The following LRRC37A variants were observed in gnomAD, a reference collection of about 807,000 sequenced individuals.
LRRC37A encodes the protein leucine-rich repeat-containing protein 37A.
Under a neutral mutation model 35.4 loss-of-function variants are expected in LRRC37A, and 3 were observed. That is an observed-to-expected ratio of 0.08 (90% CI 0.04 to 0.22). The LOEUF is 0.22. LRRC37A is among the 10% of genes least tolerant of loss of function. The probability of loss-of-function intolerance (pLI) is 1.00; values close to 1 mark genes in which losing one functional copy is unlikely to be tolerated. For synonymous variants in LRRC37A, 23 were observed against 215.0 expected, an observed-to-expected ratio of 0.11 and a Z score of 7.81; for missense variants, 67 against 565.3, an observed-to-expected ratio of 0.12 and a Z score of 8.94.
the LRRC37A span, chr17:46,259,518 A>C: frequency 6.2e-7 from 1 of 1,605,648 alleles, no homozygotes; most frequent in East Asian, 2.2e-5. Context: ...CTGCATGCCC[A>C]TTCGGGCTGC....
the LRRC37A span, among the ~76,000 whole-genome samples, chr17:46,253,207 C>A: frequency 6.9e-6 from 1 of 144,316 alleles, no homozygotes. Flanking sequence ...GGGGCAGAGG[C>A]GCTCCCCACA....
chr17:46,248,798 G>A, the LRRC37A span, among the ~76,000 whole-genome samples: 12 of 152,000 alleles, frequency 7.9e-5, no homozygotes, highest in African/African-American at 2.9e-4. Flanking sequence ...AGGATTACAC[G>A]TGTGAGCCAC....
chr17:46,290,477 G>A (rs1042241629), upstream of LRRC37A, among the ~76,000 whole-genome samples: 11 of 152,190 alleles, frequency 7.2e-5, no homozygotes, highest in Middle Eastern at 3.4e-3. Flanking sequence ...TTTTTGTTTC[G>A]AGATGGAGTC....
At chr17:46,290,023 G>A (rs1409369048), upstream of LRRC37A, among the ~76,000 whole-genome samples, 1 of 152,270 alleles carries the variant, frequency 6.6e-6, no homozygotes, top group Non-Finnish European at 1.5e-5. Context: ...GAAGGCTGAG[G>A]TTGGAGGCTC....
chr17:46,278,897 A>C, the LRRC37A span, among the ~76,000 whole-genome samples: 2 of 150,706 alleles, frequency 1.3e-5, no homozygotes, highest in South Asian at 4.2e-4. Context: ...TCCTGGGTTC[A>C]AGTGATTCTC....
At chr17:46,257,113 A>G in the LRRC37A span, among the ~76,000 whole-genome samples, 1 of 152,154 alleles carries the variant, frequency 6.6e-6, no homozygotes, top group Non-Finnish European at 1.5e-5. Flanking sequence ...TCTGTAAAAC[A>G]GGGTAATAAG....
chr17:46,261,217 A>AT, the LRRC37A span, among the ~76,000 whole-genome samples: 1 of 113,106 alleles, frequency 8.8e-6, no homozygotes, highest in East Asian at 1.9e-4. Context: ...GGAAATAAAA[A>AT]TTTTTTTTTA....
the LRRC37A span, among the ~76,000 whole-genome samples, chr17:46,258,640 C>T: frequency 6.6e-6 from 1 of 151,702 alleles, no homozygotes; most frequent in African/African-American, 2.4e-5. Flanking sequence ...TGGAATACTA[C>T]TCAGTCATAA....
At chr17:46,285,063 C>T in the LRRC37A span, among the ~76,000 whole-genome samples, 2 of 152,076 alleles carry the variant, frequency 1.3e-5, no homozygotes, top group Non-Finnish European at 2.9e-5. Flanking sequence ...GAGATGGGGT[C>T]TCACTTTGTT....
the LRRC37A span, among the ~76,000 whole-genome samples, chr17:46,268,026 C>T: frequency 6.6e-6 from 1 of 151,718 alleles, no homozygotes; most frequent in Non-Finnish European, 1.5e-5. Context: ...CTCAGCCTCC[C>T]AAGTAGCTGG....
the LRRC37A span, among the ~76,000 whole-genome samples, chr17:46,280,955 A>T: frequency 4.6e-5 from 7 of 152,164 alleles, no homozygotes; most frequent in African/African-American, 1.7e-4. Context: ...ATTTATTCTG[A>T]CTTTACTTGA....
the LRRC37A span, among the ~76,000 whole-genome samples, chr17:46,263,971 A>G: frequency 3.3e-5 from 5 of 152,220 alleles, no homozygotes; most frequent in Admixed American, 2.0e-4. Context: ...TGCTGGGATT[A>G]CTGGTGTGGG....
At chr17:46,251,565 C>T in the LRRC37A span, among the ~76,000 whole-genome samples, 18 of 150,292 alleles carry the variant, frequency 1.2e-4, no homozygotes, top group African/African-American at 3.9e-4. Flanking sequence ...TCCTGCTTAA[C>T]GTCTTAAAAC....
intron 11 of LRRC37A, among the ~76,000 whole-genome samples, chr17:46,336,109 T>C (rs1424310000): frequency 0.052 from 962 of 18,466 alleles, 379 homozygotes; most frequent in Admixed American, 0.08. Context: ...GAGAGGGCAC[T>C]TGTCTCCTTC....
the LRRC37A span, among the ~76,000 whole-genome samples, chr17:46,267,783 G>C: frequency 6.6e-6 from 1 of 151,984 alleles, no homozygotes; most frequent in Non-Finnish European, 1.5e-5. Context: ...TGGAGTGAGC[G>C]ACCACCAAAC....
the LRRC37A span, among the ~76,000 whole-genome samples, chr17:46,272,630 G>T: frequency 2.0e-5 from 3 of 152,186 alleles, no homozygotes; most frequent in African/African-American, 7.2e-5. Context: ...GGCCAGGTTG[G>T]TCTCAAATTC....
At chr17:46,327,536 T>A (rs550653657) in intron 7 of LRRC37A, among the ~76,000 whole-genome samples, 725 of 15,516 alleles carry the variant, frequency 0.047, 154 homozygotes, top group African/African-American at 0.082. Context: ...TGAGGCTGCA[T>A]TGAGGTATAA....
At chr17:46,269,934 T>C in the LRRC37A span, among the ~76,000 whole-genome samples, 1 of 152,330 alleles carries the variant, frequency 6.6e-6, no homozygotes, top group South Asian at 2.1e-4. Context: ...CAATGACAGC[T>C]CACAAGCAAG....
At chr17:46,275,913 C>T in the LRRC37A span, among the ~76,000 whole-genome samples, 4 of 150,400 alleles carry the variant, frequency 2.7e-5, no homozygotes, top group East Asian at 1.9e-4. Context: ...TTTTTTGAGA[C>T]GAAGTCTCGC....
Sources: gnomAD v4.1 joint callset for allele counts (sites outside exome capture counted in the v4.1 genomes callset) on GRCh38, gnomAD v4.1.1 for gene constraint, MANE v1.5 for transcripts, NCBI Gene and HGNC (gene_info 2026-07-23, HGNC 2026-07-21) for gene names.